The following MECOM variants were observed in gnomAD, a reference collection of about 807,000 sequenced individuals.
MECOM encodes the protein histone-lysine N-methyltransferase MECOM.
A neutral mutation model predicts 116.3 loss-of-function variants in MECOM; 13 were observed. The observed-to-expected ratio is 0.11, with a 90% CI of 0.07 to 0.18. MECOM has a LOEUF of 0.18. Among genes scored for constraint, MECOM ranks in the 10% least tolerant of loss-of-function variants. The pLI, the probability that MECOM is intolerant of heterozygous loss-of-function variation, is 1.00. For synonymous variants in MECOM, 528 were observed against 535.2 expected, an observed-to-expected ratio of 0.99 and a Z score of 0.19; for missense variants, 1,299 against 1,509.0, an observed-to-expected ratio of 0.86 and a Z score of 2.31.
In MECOM at chr3:169,262,722, C is replaced by G. The variant is rs768986063; in HGVS notation, c.375+118465G>C. On this transcript the variant is annotated intron_variant, in intron 2 of 16. Transcript: ENST00000651503. The stretch of plus-strand genomic sequence containing the variant: ...AAGCCCCCCACCACCTAGCATTAGA[C>G]ATCGATTAAGACATAAACTATTGTG... Among the ~76,000 whole-genome samples the G allele has an allele frequency of 2.0e-5, 3 of 152,088 alleles. 1 individual carries two copies. The highest frequency in any genetic ancestry group is 7.2e-5 in the African/African-American group (3 of 41,390).
chr3:169,381,364 G>T lies in MECOM; in HGVS notation c.198C>A (p.Ala66=). ...GGATATCATCAGGGATGTAGATGGGGGCTTTGTAAGGAGAACCCTCCTTTG... is the reference window on the plus strand; with the variant it reads ...GGATATCATCAGGGATGTAGATGGGTGCTTTGTAAGGAGAACCCTCCTTTG... ...FTPKEGSPYK[A]PIYIPDDIPI... Residue 66 remains alanine, a synonymous_variant, in exon 2 of 17, where the codon GCC becomes GCA. Coordinates refer to ENST00000651503, the MANE Select transcript of MECOM (RefSeq NM_004991.4). 1 of 1,613,860 alleles carries T rather than the reference G, an allele frequency of 6.2e-7. No homozygotes were observed. Among genetic ancestry groups the T allele is most frequent in the Non-Finnish European group, 8.5e-7 (1 of 1,179,814 alleles).
chr3:169,134,753 T>C (rs572730316), intron 3 of MECOM, among the ~76,000 whole-genome samples: 3 of 152,284 alleles, frequency 2.0e-5, no homozygotes, highest in African/African-American at 7.2e-5. Flanking sequence ...TCCTTGAATC[T>C]AGGGATGTCT....
At chr3:169,202,991 G>A (rs958891958) in intron 2 of MECOM, among the ~76,000 whole-genome samples, 1 of 151,956 alleles carries the variant, frequency 6.6e-6, no homozygotes, top group Non-Finnish European at 1.5e-5. Flanking sequence ...AACCAAAAAA[G>A]CCCTGGAATC....
At chr3:169,387,173 G>T (rs551726918) in intron 1 of MECOM, among the ~76,000 whole-genome samples, 1 of 152,198 alleles carries the variant, frequency 6.6e-6, no homozygotes, top group Non-Finnish European at 1.5e-5. Context: ...GGGAAAAAAA[G>T]ATTCCCTTGA....
chr3:169,428,614 G>T lies in MECOM; in HGVS notation c.38-47090C>A, dbSNP rs965266739. On this transcript the variant is annotated intron_variant, in intron 1 of 16. Coordinates refer to ENST00000651503, the MANE Select transcript of MECOM (RefSeq NM_004991.4). ...TTTTGTTATGACAGCCCTAGCAAAT[G>T]AATATATAAATCTTAAAATTTGTTG... Among the ~76,000 whole-genome samples the T allele has an allele frequency of 2.8e-4, 43 of 152,174 alleles. 1 individual carries two copies. The highest frequency in any genetic ancestry group is 9.4e-4 in the African/African-American group (39 of 41,442).
chr3:169,661,414 A>C (rs1044396184), intron 1 of MECOM, among the ~76,000 whole-genome samples: 18 of 152,110 alleles, frequency 1.2e-4, no homozygotes, highest in Admixed American at 9.8e-4. Context: ...AAATAAAGAC[A>C]TCGGCCTCAT....
intron 1 of MECOM, among the ~76,000 whole-genome samples, chr3:169,518,562 T>C (rs1756983564): frequency 6.6e-6 from 1 of 152,188 alleles, no homozygotes; most frequent in Non-Finnish European, 1.5e-5. Context: ...TAAAACTATA[T>C]GTACTGTATA....
chr3:169,358,298 G>C (rs965273025), intron 2 of MECOM, among the ~76,000 whole-genome samples: 3 of 151,670 alleles, frequency 2.0e-5, no homozygotes, highest in African/African-American at 7.3e-5. Flanking sequence ...CAGAATAAAG[G>C]GCAGGGTTCT....
At chr3:169,577,995 C>A (rs1764709376) in intron 1 of MECOM, among the ~76,000 whole-genome samples, 1 of 151,264 alleles carries the variant, frequency 6.6e-6, no homozygotes, top group Non-Finnish European at 1.5e-5. Context: ...GATTAGTAAG[C>A]AAAGTAGGAA....
At chr3:169,578,189 T>C (rs1315429238) in intron 1 of MECOM, among the ~76,000 whole-genome samples, 1 of 152,156 alleles carries the variant, frequency 6.6e-6, no homozygotes, top group Admixed American at 6.6e-5. Flanking sequence ...AAAAGATGTG[T>C]GATATGGACT....
chr3:169,237,064 A>C (rs1754153856), intron 2 of MECOM, among the ~76,000 whole-genome samples: 1 of 152,252 alleles, frequency 6.6e-6, no homozygotes. Flanking sequence ...AAACATCTGG[A>C]TGAAGCTCTT....
At chr3:169,325,727 C>A (rs1006089941) in intron 2 of MECOM, among the ~76,000 whole-genome samples, 1 of 152,164 alleles carries the variant, frequency 6.6e-6, no homozygotes, top group Non-Finnish European at 1.5e-5. Flanking sequence ...CTTTCAGCTC[C>A]CCTTTAATAA....
intron 2 of MECOM, among the ~76,000 whole-genome samples, chr3:169,284,025 G>T (rs1461630689): frequency 6.6e-6 from 1 of 152,164 alleles, no homozygotes; most frequent in African/African-American, 2.4e-5. Context: ...TGGACAAAAG[G>T]TGCTTTGTAA....
rs77963498 is a variant in MECOM, at chr3:169,173,037, A to G, written c.376-29205T>C. The stretch of plus-strand genomic sequence containing the variant: ...TTCCATAGTTTACTCTAAGAAAAGG[A>G]TGTATTATTTTCATTTTGGCCCCAT... On this transcript the variant is annotated intron_variant, in intron 2 of 16. Transcript: ENST00000651503. Among the ~76,000 whole-genome samples, 974 of 152,312 alleles carry G rather than the reference A, an allele frequency of 6.4e-3. 10 individuals carry two copies. The highest frequency in any genetic ancestry group is 0.022 in the African/African-American group (914 of 41,562).
chr3:169,183,831 TATAC>T (rs112476680), intron 2 of MECOM, among the ~76,000 whole-genome samples: 34,670 of 140,204 alleles, frequency 0.25, 6,755 homozygotes, highest in African/African-American at 0.49. Flanking sequence ...TATATATATA[TATAC>T]ACACATACAT....
intron 2 of MECOM, among the ~76,000 whole-genome samples, chr3:169,309,719 T>A (rs1247226262): frequency 6.6e-6 from 1 of 152,208 alleles, no homozygotes; most frequent in African/African-American, 2.4e-5. Flanking sequence ...TGTTGAAGCA[T>A]CACGGTGTAA....
chr3:169,137,076 T>A (rs1736578548), intron 3 of MECOM, among the ~76,000 whole-genome samples: 1 of 152,098 alleles, frequency 6.6e-6, no homozygotes, highest in Non-Finnish European at 1.5e-5. Context: ...GTTGATTTCT[T>A]CCTCTTCCAG....
In MECOM at chr3:169,408,994, T is replaced by C. The variant is rs576672103; in HGVS notation, c.38-27470A>G. On this transcript the variant is annotated intron_variant, in intron 1 of 16. Transcript: ENST00000651503. Reference sequence around the variant, plus strand: ...ATGTGGAGATGCCACATATATTAAATAATAAACTCACAGACCACAACAGAG... The same window carrying C: ...ATGTGGAGATGCCACATATATTAAACAATAAACTCACAGACCACAACAGAG... Among the ~76,000 whole-genome samples the C allele has an allele frequency of 4.6e-5, 7 of 152,108 alleles. No homozygotes were observed. In the East Asian group the frequency reaches 1.4e-3, roughly 29 times the overall value.
intron 1 of MECOM, among the ~76,000 whole-genome samples, chr3:169,559,578 G>A (rs1187745057): frequency 2.0e-5 from 3 of 152,108 alleles, no homozygotes; most frequent in Non-Finnish European, 4.4e-5. Flanking sequence ...TATTTGTTTG[G>A]TGGGTGAAAA....
Sources: gnomAD v4.1 joint callset for allele counts (sites outside exome capture counted in the v4.1 genomes callset) on GRCh38, gnomAD v4.1.1 for gene constraint, MANE v1.5 for transcripts, NCBI Gene and HGNC (gene_info 2026-07-23, HGNC 2026-07-21) for gene names.